PRKAR1B: variants seen among roughly 807,000 people sequenced by gnomAD.
The protein encoded by PRKAR1B is protein kinase cAMP-dependent type I regulatory subunit beta.
A neutral mutation model predicts 46.5 loss-of-function variants in PRKAR1B; 22 were observed. The observed-to-expected ratio is 0.47, with a 90% CI of 0.34 to 0.68. The LOEUF is 0.68. PRKAR1B is among the 30% of genes least tolerant of loss of function. The probability of loss-of-function intolerance (pLI) is 0.01; values close to 1 mark genes in which losing one functional copy is unlikely to be tolerated. For missense variants in PRKAR1B, 445 were observed against 535.6 expected (o/e 0.83, Z 1.67); for synonymous variants, 259 against 217.7 (o/e 1.19, Z -1.67).
At chr7:624,484 G>A (rs754064290) in intron 4 of PRKAR1B, among the ~76,000 whole-genome samples, 25 of 152,012 alleles carry the variant, frequency 1.6e-4, no homozygotes, top group Non-Finnish European at 3.2e-4. Flanking sequence ...CTTTCCCCTA[G>A]CATTTCCTCT....
intron 6 of PRKAR1B, among the ~76,000 whole-genome samples, chr7:599,239 C>A (rs1309218989): frequency 6.6e-6 from 1 of 152,180 alleles, no homozygotes; most frequent in Non-Finnish European, 1.5e-5. Context: ...GCAGTGCGGG[C>A]CCCACCCCAG....
chr7:656,738 T>C (rs1387623238), intron 4 of PRKAR1B, among the ~76,000 whole-genome samples: 1 of 152,182 alleles, frequency 6.6e-6, no homozygotes, highest in Non-Finnish European at 1.5e-5. Context: ...GATGTGTAAA[T>C]GCATGGATGG....
intron 4 of PRKAR1B, among the ~76,000 whole-genome samples, chr7:615,061 A>C (rs917415080): frequency 6.6e-6 from 1 of 152,006 alleles, no homozygotes; most frequent in Admixed American, 6.6e-5. Flanking sequence ...TGGGTGACAG[A>C]GCAAGACCCT....
intron 4 of PRKAR1B, among the ~76,000 whole-genome samples, chr7:631,701 C>T (rs1783751550): frequency 1.3e-5 from 2 of 152,214 alleles, no homozygotes; most frequent in Non-Finnish European, 2.9e-5. Context: ...TGCCTGTCAT[C>T]CCCGCACTTT....
In PRKAR1B at chr7:714,484, G is replaced by C. The variant is rs1780804531; in HGVS notation, c.-22-2957C>G. On this transcript the variant is annotated intron_variant, in intron 1 of 10. Transcript: ENST00000537384. The surrounding 1 kb of genome is among the most constrained non-coding windows in gnomAD (Gnocchi z 4.3). ...GACATGCGGCCCCTGGCCCCACTGA[G>C]CTGTGACGTCTGCTGAGCTCCTCTC... is the stretch of plus-strand genomic sequence containing the variant. 6.6e-6 allele frequency among the ~76,000 whole-genome samples: 1 copy of C among 152,218 alleles called. No homozygotes were observed. The highest frequency in any genetic ancestry group is 2.4e-5 in the African/African-American group (1 of 41,452).
At chr7:594,966 G>A (rs925984131) in intron 7 of PRKAR1B, among the ~76,000 whole-genome samples, 4 of 152,342 alleles carry the variant, frequency 2.6e-5, no homozygotes, top group South Asian at 2.1e-4. Context: ...ATGGCCGCAC[G>A]GGGTGCTGTC....
chr7:723,845 GTAACAAA>G lies in PRKAR1B; in HGVS notation c.-23+3358_-23+3364del, dbSNP rs577927272. On this transcript the variant is annotated intron_variant, in intron 1 of 10. Transcript: ENST00000537384. ...TCCCTGTTTGCTACCTGAGGCTGCCGTAACAAAGCACACCAGGCTGGGCAGCTGAATG... is the reference window on the plus strand; with the variant it reads ...TCCCTGTTTGCTACCTGAGGCTGCCGGCACACCAGGCTGGGCAGCTGAATG... 2.4e-3 allele frequency among the ~76,000 whole-genome samples: 360 copies of G among 152,278 alleles called. 2 individuals are homozygous for G. The highest frequency in any genetic ancestry group is 8.2e-3 in the African/African-American group (339 of 41,562).
intron 7 of PRKAR1B, among the ~76,000 whole-genome samples, chr7:588,773 G>T (rs1449615649): frequency 5.8e-5 from 8 of 136,768 alleles, no homozygotes; most frequent in Admixed American, 2.8e-4. Context: ...TGGTGATGGT[G>T]ATGGTGGTGA....
chr7:713,895 C>T (rs1003643539), intron 1 of PRKAR1B, among the ~76,000 whole-genome samples: 1 of 152,230 alleles, frequency 6.6e-6, no homozygotes, highest in African/African-American at 2.4e-5. Context: ...CCTCAGCACC[C>T]ACTGGCCCCA....
Position 669,742 on chromosome 7 carries a change from T to C in PRKAR1B, c.440+7487A>G, listed in dbSNP as rs370439923. ...TAGCGCCACTGCACTCCAGCCTGGG[T>C]GACAGAGTGAGACTCCATCTCAAAA... On this transcript the variant is annotated intron_variant, in intron 4 of 10. Transcript: ENST00000537384. Among the ~76,000 whole-genome samples the C allele has an allele frequency of 6.2e-3, 939 of 150,488 alleles. 4 individuals are homozygous for C. Among genetic ancestry groups the C allele is most frequent in the South Asian group, 0.025 (116 of 4,688 alleles).
intron 4 of PRKAR1B, among the ~76,000 whole-genome samples, chr7:614,709 C>T (rs532964487): frequency 4.6e-5 from 7 of 152,066 alleles, no homozygotes; most frequent in Non-Finnish European, 1.0e-4. Context: ...GTCAGGAGTT[C>T]GAGACCAGCC....
intron 9 of PRKAR1B, among the ~76,000 whole-genome samples, chr7:567,803 T>G (rs996243406): frequency 6.6e-6 from 1 of 152,010 alleles, no homozygotes; most frequent in Admixed American, 6.5e-5. Flanking sequence ...AGATCTCCCT[T>G]ATAGCAGGCA....
Position 551,538 on chromosome 7 carries a change from T to C in PRKAR1B, c.892-68A>G, listed in dbSNP as rs569443133. Reference sequence around the variant, plus strand: ...TGCAGGGTGGGACACACGTGAGGGGTCACCCCACAGGGGGTCACCACCCAA... The same window carrying C: ...TGCAGGGTGGGACACACGTGAGGGGCCACCCCACAGGGGGTCACCACCCAA... On this transcript the variant is annotated intron_variant, in intron 9 of 10. Transcript: ENST00000537384. The C allele has an allele frequency of 5.1e-4, 752 of 1,474,158 alleles. 3 individuals are homozygous for C. The highest frequency in any genetic ancestry group is 3.7e-3 in the South Asian group (303 of 82,106). 91.3% of individuals were successfully genotyped at this position (1,474,158 alleles called of 1,614,324 possible).
intron 2 of PRKAR1B, among the ~76,000 whole-genome samples, chr7:685,280 GTATATATATGTATACA>G (rs1444521237): frequency 5.8e-5 from 1 of 17,256 alleles, no homozygotes; most frequent in Non-Finnish European, 1.1e-4. Context: ...GTATATATAC[GTATATATATGTATACA>G]TATATATATA....
chr7:559,243 G>A (rs745500075), intron 9 of PRKAR1B, among the ~76,000 whole-genome samples: 6 of 152,160 alleles, frequency 3.9e-5, no homozygotes, highest in East Asian at 3.9e-4. Context: ...TTCAGGGGGC[G>A]GCCAGTGAAG....
chr7:678,023 C>A (rs1778432542), intron 3 of PRKAR1B, among the ~76,000 whole-genome samples: 1 of 152,232 alleles, frequency 6.6e-6, no homozygotes, highest in Non-Finnish European at 1.5e-5. Context: ...GTAATCCCAG[C>A]ACTTTGAGAG....
intron 9 of PRKAR1B, among the ~76,000 whole-genome samples, chr7:555,706 G>C (rs1286957102): frequency 6.6e-6 from 1 of 152,150 alleles, no homozygotes; most frequent in Admixed American, 6.5e-5. Context: ...TTCGCAGATG[G>C]AAGCCCAGAG....
chr7:682,833 A>T (rs1778769846), intron 2 of PRKAR1B, among the ~76,000 whole-genome samples: 1 of 152,190 alleles, frequency 6.6e-6, no homozygotes, highest in South Asian at 2.1e-4. Context: ...ATGCTGGCTC[A>T]CATGACCTGA....
intron 4 of PRKAR1B, among the ~76,000 whole-genome samples, chr7:671,485 A>T (rs760458137): frequency 1.3e-5 from 2 of 151,940 alleles, no homozygotes; most frequent in Non-Finnish European, 2.9e-5. Flanking sequence ...TTCAGACAGG[A>T]TCTCGCTCTG....
Sources: gnomAD v4.1 joint callset for allele counts (sites outside exome capture counted in the v4.1 genomes callset) on GRCh38, gnomAD v4.1.1 for gene constraint, Gnocchi (gnomAD v3.1) non-coding constraint, MANE v1.5 for transcripts, NCBI Gene and HGNC (gene_info 2026-07-23, HGNC 2026-07-21) for gene names.